Variants in MUC4 observed in about 807,000 individuals in gnomAD.
The protein encoded by MUC4 is mucin 4, cell surface associated.
Under a neutral mutation model 257.9 loss-of-function variants are expected in MUC4, and 202 were observed. The ratio of observed to expected loss-of-function variants is 0.78; its 90% CI spans 0.70 to 0.88. MUC4 has a LOEUF of 0.88. Among genes scored for constraint, MUC4 ranks in the 40% least tolerant of loss-of-function variants. The pLI is 0.00. For missense variants in MUC4, 5,976 were observed against 6,513.7 expected, an observed-to-expected ratio of 0.92 and a Z score of 2.84; for synonymous variants, 2,351 against 2,757.1, an observed-to-expected ratio of 0.85 and a Z score of 4.62.
intron 3 of MUC4, 116 bp downstream of exon 3, chr3:195,778,187 G>A (rs142787846): frequency 1.5e-6 from 2 of 1,336,084 alleles, no homozygotes; most frequent in Non-Finnish European, 2.0e-6. Flanking sequence ...CTGTGTCCCT[G>A]TCCTCGGTAA....
chr3:195,795,277 C>G (rs1734429691), intron 1 of MUC4, among the ~76,000 whole-genome samples: 1 of 152,142 alleles, frequency 6.6e-6, no homozygotes, highest in African/African-American at 2.4e-5. Flanking sequence ...TGGCAATTAA[C>G]ATCTTTTCAG....
chr3:195,780,299 G>T lies in MUC4; in HGVS notation c.11281C>A (p.Leu3761Ile), dbSNP rs1457966838. 1 of 1,520,646 alleles carries T rather than the reference G, an allele frequency of 6.6e-7. No homozygotes were observed. Among genetic ancestry groups the T allele is most frequent in the Non-Finnish European group, 8.9e-7 (1 of 1,123,064 alleles). 94.2% of individuals were successfully genotyped at this position (1,520,646 alleles called of 1,614,324 possible). A position where few individuals can be genotyped will look rare whatever the true frequency, so the allele number is the denominator to read the frequency against. ...ACTGAGGAAGCGTCGGTGACAAGAA[G>T]AGGGGTGGCGTGACCTGTGGATGCT... The part of the protein sequence containing the change: ...SSASTGHATP[L>I]LVTDASSVST... Residue 3761 changes from leucine (L) to isoleucine (I), a missense_variant, in exon 2 of 25, where the codon CTT becomes ATT. Leu to Ile is a conservative substitution (Grantham distance 5). Around this residue, in one of 44 missense-constraint regions of MUC4, gnomAD observed 330 missense variants for 262.0 expected, o/e 1.26. Transcript: ENST00000463781.
chr3:195,770,035 G>A (rs565350246), intron 6 of MUC4, among the ~76,000 whole-genome samples, 181 bp downstream of exon 6: 7 of 151,542 alleles, frequency 4.6e-5, no homozygotes, highest in South Asian at 4.2e-4. Flanking sequence ...GAGACAGGCC[G>A]GGCCCACGGT....
In MUC4 at chr3:195,755,439, G is replaced by T. The variant is rs568598513; in HGVS notation, c.15169-1067C>A. Among the ~76,000 whole-genome samples the T allele has an allele frequency of 6.6e-6, 1 of 151,884 alleles. No homozygotes were observed. Among genetic ancestry groups the T allele is most frequent in the Non-Finnish European group, 1.5e-5 (1 of 67,966 alleles). The stretch of plus-strand genomic sequence containing the variant: ...TCAAAGTCCTGAGCTCAAGCAATCC[G>T]CCTGCCTCAGGCTCCTATGTGGCCT... On this transcript the variant is annotated intron_variant, in intron 18 of 24. Coordinates refer to ENST00000463781, the MANE Select transcript of MUC4 (RefSeq NM_018406.7). This position sits in a 1 kb window ranked among gnomAD's most constrained non-coding sequence, Gnocchi z 5.0.
At chr3:195,778,174 A>G in intron 3 of MUC4, 129 bp downstream of exon 3, 1 of 1,257,370 alleles carries the variant, frequency 8.0e-7, no homozygotes. Context: ...AGCGACTCCG[A>G]TGCTGTGTCC....
In MUC4 at chr3:195,790,031, C is replaced by A. The variant is rs1046436025; in HGVS notation, c.1549G>T (p.Val517Phe). 26 of 1,613,892 alleles carry A rather than the reference C, an allele frequency of 1.6e-5. No homozygotes were observed. The highest frequency in any genetic ancestry group is 2.1e-5 in the Non-Finnish European group (25 of 1,179,884). ...GTCCCTGTAGATGGATTTCCTGTGA[C>A]AAGCCTAGTGGCAGCACCTGTTGAT... The part of the protein sequence containing the change: ...STSTGAATRL[V>F]TGNPSTGTAG... Residue 517 changes from valine to phenylalanine, a missense_variant, in exon 2 of 25, where the codon GTC (valine) becomes TTC (phenylalanine). This residue lies in a region of MUC4 where 1,583 missense variants were observed against 1,257.4 expected (regional missense o/e 1.26). Coordinates refer to ENST00000463781, the MANE Select transcript of MUC4 (RefSeq NM_018406.7).
intron 3 of MUC4, among the ~76,000 whole-genome samples, chr3:195,776,817 CG>C (rs1724906808): frequency 8.1e-6 from 1 of 123,306 alleles, no homozygotes; most frequent in Non-Finnish European, 1.7e-5. Context: ...ATACCTTCCA[CG>C]GCCATACCTT....
At chr3:195,748,873 C>G (rs771125258) in intron 24 of MUC4, 29 bp downstream of exon 24, 8 of 1,536,488 alleles carry the variant, frequency 5.2e-6, no homozygotes, top group Middle Eastern at 2.3e-4. Context: ...CAGCACTGTC[C>G]TCCACCTCCT....
Position 195,747,363 on chromosome 3 carries a change from A to G in MUC4, c.16052T>C (p.Ile5351Thr). The change falls in exon 25 of 25, where the codon ATC (isoleucine) becomes ACC (threonine). Residue 5351 changes from isoleucine to threonine, a missense_variant. Ile to Thr is a moderately conservative substitution (Grantham distance 89). Coordinates refer to ENST00000463781, the MANE Select transcript of MUC4 (RefSeq NM_018406.7). ...ACAGTGCTCGCCCCAGGCCGTGTAG[A>G]TGGAGAAGGACACACAGCTGGTGAC... ...GPRCSCVSFS[I>T]YTAWGEHCEH... 6.2e-7 allele frequency: 1 copy of G among 1,613,944 alleles called. No homozygotes were observed. Among genetic ancestry groups the G allele is most frequent in the Non-Finnish European group, 8.5e-7 (1 of 1,179,834 alleles).
At chr3:195,749,329 GGGAAAAAGGTTCCTGT>G (rs1444379523) in intron 23 of MUC4, among the ~76,000 whole-genome samples, 711 of 95,802 alleles carry the variant, frequency 7.4e-3, no homozygotes, top group African/African-American at 0.041. Context: ...AAGGTTCCTA[GGGAAAAAGGTTCCTGT>G]GGAAAAAGGT....
chr3:195,752,889 A>G (rs988837567), intron 20 of MUC4, among the ~76,000 whole-genome samples, 162 bp downstream of exon 20: 9 of 152,024 alleles, frequency 5.9e-5, no homozygotes, highest in Non-Finnish European at 1.0e-4. Flanking sequence ...TTGCCTCGCC[A>G]GCTCCCATAG....
chr3:195,788,629 G>A lies in MUC4; in HGVS notation c.2951C>T (p.Ser984Leu), dbSNP rs374537854. Reference protein sequence around the residue: ...ATPLPVTYASSASTGHTTPLH... With the variant: ...ATPLPVTYASLASTGHTTPLH... ...AGGGGTGGTGTGACCTGTGGATGCC[G>A]AGGAAGCGTAGGTGACAGGAAGAGG... Residue 984 changes from serine (S) to leucine (L), a missense_variant, in exon 2 of 25, where the codon TCG (serine) becomes TTG (leucine). By Grantham distance (145) the Ser-to-Leu change is moderately radical. Around this residue, in one of 44 missense-constraint regions of MUC4, gnomAD observed 1,583 missense variants for 1,257.4 expected, o/e 1.26. Transcript: ENST00000463781. 2.6e-5 allele frequency: 41 copies of A among 1,602,886 alleles called. No homozygotes were observed. The highest frequency in any genetic ancestry group is 1.9e-4 in the African/African-American group (14 of 74,734).
Position 195,811,812 on chromosome 3 carries a change from C to T in MUC4, c.6G>A (p.Lys2=). 9 of 1,613,738 alleles carry T rather than the reference C, an allele frequency of 5.6e-6. No individual in the cohort carries two copies. The highest frequency in any genetic ancestry group is 2.2e-5 in the East Asian group (1 of 44,874). M[K]GARWRRVPWV... ...AGGGGACCCTCCTCCAGCGTGCCCC[C>T]TTCATGGCTGCGGCAAAAGTCCCCC... Residue 2 remains lysine (K), a synonymous_variant, in exon 1 of 25, where the codon AAG becomes AAA. Coordinates refer to ENST00000463781, the MANE Select transcript of MUC4 (RefSeq NM_018406.7).
chr3:195,796,393 A>G (rs1734585717), intron 1 of MUC4, among the ~76,000 whole-genome samples: 1 of 151,926 alleles, frequency 6.6e-6, no homozygotes, highest in Non-Finnish European at 1.5e-5. Flanking sequence ...ACTATAAACT[A>G]TTTTAAATTG....
rs1733092877 is a variant in MUC4 at position 195,788,239 on chromosome 3, G to T, written c.3341C>A (p.Ser1114Tyr). ...SLPVTDTSSV[S>Y]TGHTTPLPVT... ...AGGAAGAGGGGTGGTGTGACCTGTG[G>T]ATACTGAGGAAGTGTCGGTGACAGG... Residue 1114 changes from serine (S) to tyrosine (Y), a missense_variant, in exon 2 of 25, where the codon TCC becomes TAC. Ser to Tyr is a moderately radical substitution (Grantham distance 144, BLOSUM62 -2). Coordinates refer to ENST00000463781, the MANE Select transcript of MUC4 (RefSeq NM_018406.7). The T allele has an allele frequency of 6.8e-7, 1 of 1,475,236 alleles. No individual in the cohort carries two copies. Among genetic ancestry groups the T allele is most frequent in the African/African-American group, 1.4e-5 (1 of 70,744 alleles). 91.4% of individuals were successfully genotyped at this position (1,475,236 alleles called of 1,614,324 possible).
In MUC4 at chr3:195,747,145, T is replaced by A; in HGVS notation, c.*31A>T. Reference sequence around the variant, plus strand: ...AAATGTGCGGTAAGGATGAGGTGAGTCTTGAGGTAGCCTAGGCCACAGCTG... The same window carrying A: ...AAATGTGCGGTAAGGATGAGGTGAGACTTGAGGTAGCCTAGGCCACAGCTG... On this transcript the variant is annotated 3_prime_UTR_variant, in exon 25 of 25. Transcript: ENST00000463781. 1.9e-6 allele frequency: 3 copies of A among 1,613,498 alleles called. No individual in the cohort carries two copies. The highest frequency in any genetic ancestry group is 2.5e-6 in the Non-Finnish European group (3 of 1,179,502).
In MUC4 at chr3:195,757,871, C is replaced by G. The variant is rs1325358449; in HGVS notation, c.14987-543G>C. Among the ~76,000 whole-genome samples the G allele has an allele frequency of 6.6e-6, 1 of 152,166 alleles. No individual in the cohort carries two copies. Among genetic ancestry groups the G allele is most frequent in the African/African-American group, 2.4e-5 (1 of 41,430 alleles). On this transcript the variant is annotated intron_variant, in intron 17 of 24. Transcript: ENST00000463781. This position sits in a 1 kb window ranked among gnomAD's most constrained non-coding sequence, Gnocchi z 4.8. ...AGAAAATAGGAAAGTCTCCTTAAAA[C>G]AGCAGATTGAAAGGAAGTGACAGAG...
chr3:195,789,655 G>A lies in MUC4; in HGVS notation c.1925C>T (p.Ala642Val), dbSNP rs771919895. 8.7e-6 allele frequency: 14 copies of A among 1,614,012 alleles called. No homozygotes were observed. The South Asian group carries it at 1.1e-4, about 13-fold the overall frequency. The change falls in exon 2 of 25, where the codon GCC (alanine) becomes GTC (valine). Residue 642 changes from alanine (A) to valine (V), a missense_variant. Transcript: ENST00000463781. ...TTGTGATTCTTGTGTGGTCTGCGGG[G>A]CTTGAGTGTGACCCCTTTGGGAAAC... ...PAVSQRGHTQ[A>V]PQTTQESQTT...
rs1353021956 is a variant in MUC4 at position 195,747,386 on chromosome 3, G to A, written c.16035-6C>T. ...AGATGGAGAAGGACACACAGCTGGT[G>A]ACCAAGAGAGACAGACAGGCGGTCA... On this transcript the variant is annotated splice_region_variant and splice_polypyrimidine_tract_variant and intron_variant, in intron 24 of 24. Coordinates refer to ENST00000463781, the MANE Select transcript of MUC4 (RefSeq NM_018406.7). 4 of 1,613,032 alleles carry A rather than the reference G, an allele frequency of 2.5e-6. No homozygotes were observed. Among genetic ancestry groups the A allele is most frequent in the Admixed American group, 3.3e-5 (2 of 59,958 alleles).
Sources: allele counts gnomAD v4.1 joint callset (sites outside exome capture counted in the v4.1 genomes callset), GRCh38; gene constraint gnomAD v4.1.1; regional missense constraint gnomAD v4.1.1; non-coding constraint Gnocchi (gnomAD v3.1); transcripts MANE v1.5; gene names NCBI Gene and HGNC (gene_info 2026-07-23, HGNC 2026-07-21).